The following ATP2B3 variants were observed in gnomAD, a reference collection of about 807,000 sequenced individuals.
ATP2B3 encodes the protein plasma membrane calcium-transporting ATPase 3.
ATP2B3 carries 12 observed loss-of-function variants against 70.8 expected under a neutral mutation model. The ratio of observed to expected loss-of-function variants is 0.17; its 90% CI spans 0.11 to 0.27. The LOEUF (loss-of-function observed/expected upper bound fraction) is 0.27, where lower values mean the gene tolerates loss of function less well. Among genes scored for constraint, ATP2B3 ranks in the 10% least tolerant of loss-of-function variants. The pLI is 1.00. For missense variants in ATP2B3, 858 were observed against 1,118.5 expected, an observed-to-expected ratio of 0.77 and a Z score of 3.32; for synonymous variants, 460 against 497.8, an observed-to-expected ratio of 0.92 and a Z score of 1.01.
intron 2 of ATP2B3, among the ~76,000 whole-genome samples, chrX:153,527,172 G>A (rs782478476): frequency 5.4e-4 from 61 of 112,868 alleles, no homozygotes; most frequent in African/African-American, 1.9e-3. Context: ...GGGCACCGAG[G>A]TACCACAGCA....
Position 153,541,904 on chromosome X carries a change from G to A in ATP2B3, c.642G>A (p.Gly214=), listed in dbSNP as rs782656923. 8.3e-6 allele frequency: 10 copies of A among 1,209,355 alleles called. No homozygotes were observed. Among genetic ancestry groups the A allele is most frequent in the Non-Finnish European group, 1.1e-5 (10 of 895,088 alleles). Residue 214 remains glycine, a synonymous_variant, in exon 5 of 22, where the codon GGG becomes GGA. Transcript: ENST00000263519. ...TCCCCGTGGCTGCGCTGGTGGTGGG[G>A]GACATTGCCCAGGTCAAGTACGGTG... ...LQVPVAALVV[G]DIAQVKYGDL... is the part of the protein sequence containing the mutation.
intron 21 of ATP2B3, among the ~76,000 whole-genome samples, chrX:153,572,167 C>T (rs138926860): frequency 9.7e-5 from 11 of 112,991 alleles, no homozygotes; most frequent in African/African-American, 3.2e-4. Context: ...AGCGCCCACC[C>T]TCTACTTGGA....
intron 12 of ATP2B3, 36 bp downstream of exon 12, chrX:153,550,322 G>T (rs782782001): frequency 1.7e-6 from 2 of 1,204,104 alleles, no homozygotes. Context: ...GGGTACGCAC[G>T]GAGTTTCTGA....
At chrX:153,571,545 C>T (rs2051664669) in intron 21 of ATP2B3, among the ~76,000 whole-genome samples, 1 of 112,151 alleles carries the variant, frequency 8.9e-6, no homozygotes, top group Admixed American at 9.4e-5. Flanking sequence ...GTGGGGCCTG[C>T]TGTCTTTTCT....
chrX:153,547,001 G>A (rs2090377745), intron 8 of ATP2B3, among the ~76,000 whole-genome samples: 1 of 112,311 alleles, frequency 8.9e-6, no homozygotes, highest in South Asian at 3.7e-4. Context: ...GTGAGGAGGA[G>A]CAGGAGGAGG....
At chrX:153,538,750 C>T (rs1392114061) in intron 3 of ATP2B3, among the ~76,000 whole-genome samples, 1 of 113,150 alleles carries the variant, frequency 8.8e-6, no homozygotes, top group Non-Finnish European at 1.9e-5. Context: ...AGCATGTGCT[C>T]AGAGCCAGAG....
At chrX:153,553,295 G>T in intron 13 of ATP2B3, 26 bp downstream of exon 13, 2 of 1,170,492 alleles carry the variant, frequency 1.7e-6, no homozygotes, top group East Asian at 6.0e-5. Flanking sequence ...TCTGTGAGCT[G>T]CCCTGGTAAC....
intron 2 of ATP2B3, among the ~76,000 whole-genome samples, chrX:153,524,238 C>CTGTGTG (rs10701340): frequency 1.9e-5 from 2 of 106,168 alleles, no homozygotes; most frequent in African/African-American, 3.4e-5. Flanking sequence ...GTGTGTGTGT[C>CTGTGTG]TGTGTGTGTG....
intron 2 of ATP2B3, among the ~76,000 whole-genome samples, chrX:153,523,062 A>G (rs1556998380): frequency 8.9e-6 from 1 of 112,340 alleles, no homozygotes; most frequent in Non-Finnish European, 1.9e-5. Flanking sequence ...TGCTGTCATT[A>G]TACCATGGGC....
chrX:153,557,699 G>A (rs781912208), intron 16 of ATP2B3, among the ~76,000 whole-genome samples: 39 of 111,744 alleles, frequency 3.5e-4, no homozygotes, highest in African/African-American at 1.2e-3. Flanking sequence ...GGACTCCTCT[G>A]CAAGGAGCCG....
At chrX:153,569,581 T>C in intron 21 of ATP2B3, 4 of 1,209,675 alleles carry the variant, frequency 3.3e-6, no homozygotes, top group Non-Finnish European at 4.5e-6. Context: ...AGCCAAACTT[T>C]ATCTCATTTT....
rs782322637 is a variant in ATP2B3, at chrX:153,549,644, A to C, written c.1486A>C (p.Lys496Gln). 1 of 1,212,131 alleles carries C rather than the reference A, an allele frequency of 8.2e-7. No homozygotes were observed. The highest frequency in any genetic ancestry group is 1.1e-6 in the Non-Finnish European group (1 of 895,550). The change falls in exon 11 of 22, where the codon AAA (lysine) becomes CAA (glutamine). Residue 496 changes from lysine to glutamine, a missense_variant. Transcript: ENST00000263519. ...GTCCTACCTAGGAGACACCCACTAC[A>C]AAGAGATTCCGGCCCCCAGCGCCCT... Reference protein sequence around the residue: ...VQSYLGDTHYKEIPAPSALTP... With the variant: ...VQSYLGDTHYQEIPAPSALTP...
chrX:153,550,509 C>T (rs1329018781), intron 12 of ATP2B3, among the ~76,000 whole-genome samples: 1 of 111,818 alleles, frequency 8.9e-6, no homozygotes, highest in Admixed American at 9.5e-5. Context: ...CAGCCCTCCC[C>T]ACGCCCCTCC....
intron 19 of ATP2B3, among the ~76,000 whole-genome samples, chrX:153,561,456 C>T (rs1367360968): frequency 8.9e-6 from 1 of 112,325 alleles, no homozygotes; most frequent in Non-Finnish European, 1.9e-5. Context: ...GACTCAGAGA[C>T]CCCAAGAGGA....
rs1310153591 is a variant in ATP2B3 at position 153,581,960 on chromosome X, G to A, written c.*1662G>A. 8.9e-6 allele frequency: 1 copy of A among 112,644 alleles called. No homozygotes were observed. The highest frequency in any genetic ancestry group is 3.2e-5 in the African/African-American group (1 of 30,977). 9.3% of individuals were successfully genotyped at this position (112,644 alleles called of 1,213,427 possible). A position where few individuals can be genotyped will look rare whatever the true frequency, so the allele number is the denominator to read the frequency against. On this transcript the variant is annotated 3_prime_UTR_variant, in exon 22 of 22. Coordinates refer to ENST00000263519, the MANE Select transcript of ATP2B3 (RefSeq NM_001001344.3). ...CTGAGGAAGCCCCTAGGTCCACACA[G>A]TGATGCCATGGGGGACCCTTGCCTT...
chrX:153,523,626 G>T (rs1556998614), intron 2 of ATP2B3, among the ~76,000 whole-genome samples: 1 of 110,761 alleles, frequency 9.0e-6, no homozygotes, highest in East Asian at 2.8e-4. Context: ...CTGATGAGGG[G>T]GCACGTTTTT....
Position 153,559,677 on chromosome X carries a change from C to A in ATP2B3, c.2626-52C>A. ...CCAGGAGCTACTGGGTTTCCACCCC[C>A]AACCTTCCCGGGCAGGCGGCCCATG... is the stretch of plus-strand genomic sequence containing the variant. On this transcript the variant is annotated intron_variant, in intron 17 of 21. Transcript: ENST00000263519. The A allele has an allele frequency of 2.6e-6, 3 of 1,151,183 alleles. No individual in the cohort carries two copies. The Admixed American group carries it at 6.6e-5, about 25-fold the overall frequency. The allele number at this position is 1,151,183 out of a possible 1,213,427, so 94.9% of individuals were successfully genotyped here.
intron 8 of ATP2B3, 29 bp downstream of exon 8, chrX:153,546,158 A>G (rs374321893): frequency 8.3e-7 from 1 of 1,208,372 alleles, no homozygotes; most frequent in Non-Finnish European, 1.1e-6. Context: ...TGGGCACAAC[A>G]AGCTTGGAGC....
At chrX:153,553,724 T>C (rs1271199099) in intron 13 of ATP2B3, among the ~76,000 whole-genome samples, 1 of 112,729 alleles carries the variant, frequency 8.9e-6, no homozygotes, top group Non-Finnish European at 1.9e-5. Context: ...CAGAAGCATA[T>C]CCCCATATGG....
Sources: gnomAD v4.1 joint callset for allele counts (sites outside exome capture counted in the v4.1 genomes callset) on GRCh38, gnomAD v4.1.1 for gene constraint, MANE v1.5 for transcripts, NCBI Gene and HGNC (gene_info 2026-07-23, HGNC 2026-07-21) for gene names.